The following LHFPL3 variants were observed in gnomAD, a reference collection of about 807,000 sequenced individuals.
The protein encoded by LHFPL3 is LHFPL tetraspan subfamily member 3, also known as LHFPL tetraspan subfamily member 3 protein.
LHFPL3 carries 5 observed loss-of-function variants against 19.3 expected under a neutral mutation model. The observed-to-expected ratio is 0.26, with a 90% CI of 0.14 to 0.54. LHFPL3 has a LOEUF of 0.54. LHFPL3 is among the 20% of genes least tolerant of loss of function. The pLI, the probability that LHFPL3 is intolerant of heterozygous loss-of-function variation, is 0.94. For synonymous variants in LHFPL3, 133 were observed against 126.2 expected, an observed-to-expected ratio of 1.05 and a Z score of -0.36; for missense variants, 249 against 307.4, an observed-to-expected ratio of 0.81 and a Z score of 1.42.
chr7:104,817,625 C>G (rs1362408094), intron 2 of LHFPL3, among the ~76,000 whole-genome samples: 2 of 152,140 alleles, frequency 1.3e-5, no homozygotes, highest in African/African-American at 4.8e-5. Context: ...ATCATAGAGC[C>G]CTGAGGCCCT....
chr7:104,386,262 C>T (rs1280034105), intron 1 of LHFPL3, among the ~76,000 whole-genome samples: 1 of 152,160 alleles, frequency 6.6e-6, no homozygotes, highest in Non-Finnish European at 1.5e-5. Flanking sequence ...TTCACAGTTC[C>T]CTAAAAAGCT....
intron 1 of LHFPL3, among the ~76,000 whole-genome samples, chr7:104,522,393 G>C (rs1364009379): frequency 1.0e-4 from 8 of 77,918 alleles, no homozygotes; most frequent in Non-Finnish European, 2.2e-4. Flanking sequence ...GTTGTGGGGT[G>C]GGGGGAGGGG....
intron 2 of LHFPL3, among the ~76,000 whole-genome samples, chr7:104,841,339 A>G (rs547523972): frequency 6.6e-6 from 1 of 152,280 alleles, no homozygotes; most frequent in South Asian, 2.1e-4. Flanking sequence ...CCTGCAGTCC[A>G]CGTTCTGCAT....
intron 2 of LHFPL3, among the ~76,000 whole-genome samples, chr7:104,861,548 G>C (rs148068161): frequency 1.3e-5 from 2 of 152,136 alleles, no homozygotes; most frequent in Non-Finnish European, 2.9e-5. Context: ...GCAACAGAGA[G>C]AGCTGTTATC....
intron 1 of LHFPL3, among the ~76,000 whole-genome samples, chr7:104,629,196 A>G (rs967785483): frequency 6.6e-6 from 1 of 152,154 alleles, no homozygotes; most frequent in Non-Finnish European, 1.5e-5. Flanking sequence ...CTTCTGATGT[A>G]TGAGACCTCT....
intron 1 of LHFPL3, among the ~76,000 whole-genome samples, chr7:104,553,885 G>C (rs1584397135): frequency 6.6e-6 from 1 of 152,274 alleles, no homozygotes; most frequent in South Asian, 2.1e-4. Context: ...AGAGGCTCAG[G>C]TGTTGGCTGT....
chr7:104,735,570 G>T (rs918420074), intron 1 of LHFPL3, among the ~76,000 whole-genome samples: 1 of 152,240 alleles, frequency 6.6e-6, no homozygotes, highest in Admixed American at 6.5e-5. Context: ...CTGGAAAAGC[G>T]CAGTATTAGG....
chr7:104,484,752 G>GA (rs1793205853), intron 1 of LHFPL3, among the ~76,000 whole-genome samples: 3 of 152,210 alleles, frequency 2.0e-5, no homozygotes, highest in Admixed American at 2.0e-4. Context: ...GTCATCCCAT[G>GA]AGGGGGGAAG....
intron 1 of LHFPL3, among the ~76,000 whole-genome samples, chr7:104,425,657 TG>T (rs1245666026): frequency 1.3e-5 from 2 of 152,264 alleles, no homozygotes; most frequent in African/African-American, 4.8e-5. Flanking sequence ...TTAGCTCTAC[TG>T]TTACATCTTT....
At chr7:104,792,468 G>T (rs1790041200) in intron 2 of LHFPL3, among the ~76,000 whole-genome samples, 2 of 152,120 alleles carry the variant, frequency 1.3e-5, no homozygotes, top group Admixed American at 1.3e-4. Context: ...CCTTGACATG[G>T]TACCATCCAT....
intron 1 of LHFPL3, among the ~76,000 whole-genome samples, chr7:104,387,923 T>C (rs188568513): frequency 2.6e-5 from 4 of 152,276 alleles, no homozygotes; most frequent in Admixed American, 2.6e-4. Flanking sequence ...AAGTAGTTTT[T>C]CTATCCTCCT....
At chr7:104,858,481 C>T (rs1584580057) in intron 2 of LHFPL3, among the ~76,000 whole-genome samples, 2 of 152,304 alleles carry the variant, frequency 1.3e-5, no homozygotes, top group Admixed American at 6.5e-5. Context: ...GCCTCTGCTG[C>T]CCACTCCCTG....
intron 2 of LHFPL3, among the ~76,000 whole-genome samples, chr7:104,897,133 C>T (rs1792380102): frequency 6.6e-6 from 1 of 151,966 alleles, no homozygotes; most frequent in South Asian, 2.1e-4. Context: ...TTTATTTCTG[C>T]ATTTTAGAAA....
chr7:104,850,913 A>C (rs1405620257), intron 2 of LHFPL3, among the ~76,000 whole-genome samples: 1 of 152,210 alleles, frequency 6.6e-6, no homozygotes, highest in African/African-American at 2.4e-5. Flanking sequence ...GAGATTTAGA[A>C]GTTCTGCAGT....
intron 1 of LHFPL3, among the ~76,000 whole-genome samples, chr7:104,436,249 G>C (rs936449287): frequency 1.3e-5 from 2 of 152,090 alleles, no homozygotes; most frequent in Non-Finnish European, 2.9e-5. Context: ...AGTTTTGTAA[G>C]TGGTTTGCAT....
intron 1 of LHFPL3, among the ~76,000 whole-genome samples, chr7:104,364,593 C>T (rs1790450108): frequency 1.3e-5 from 2 of 152,174 alleles, no homozygotes; most frequent in South Asian, 4.1e-4. Flanking sequence ...GTTATGGTCA[C>T]AACTAGATTT....
chr7:104,841,516 G>A (rs1791208265), intron 2 of LHFPL3, among the ~76,000 whole-genome samples: 1 of 151,796 alleles, frequency 6.6e-6, no homozygotes, highest in South Asian at 2.1e-4. Context: ...GTGTGTGTGT[G>A]TGTGTGTGTG....
intron 1 of LHFPL3, among the ~76,000 whole-genome samples, chr7:104,360,776 C>G (rs1274090919): frequency 6.8e-6 from 1 of 146,744 alleles, no homozygotes; most frequent in African/African-American, 2.5e-5. Context: ...AGGATGAAAA[C>G]AAGAAATACT....
rs563050805 is a variant in LHFPL3, at chr7:104,752,512, A to G, written c.682+15601A>G. Among the ~76,000 whole-genome samples, 289 of 145,962 alleles carry G rather than the reference A, an allele frequency of 2.0e-3. 1 individual carries two copies. Among genetic ancestry groups the G allele is most frequent in the Middle Eastern group, 3.5e-3 (1 of 288 alleles). Reference sequence around the variant, plus strand: ...TACCAATTCTTTTCCAATCTTTTAGATCTAAAGTTCCTTGTTCTGGAAACC... The same window carrying G: ...TACCAATTCTTTTCCAATCTTTTAGGTCTAAAGTTCCTTGTTCTGGAAACC... On this transcript the variant is annotated intron_variant, in intron 2 of 2. Transcript: ENST00000424859.
Sources: gnomAD v4.1 joint callset for allele counts (sites outside exome capture counted in the v4.1 genomes callset) on GRCh38, gnomAD v4.1.1 for gene constraint, MANE v1.5 for transcripts, NCBI Gene and HGNC (gene_info 2026-07-23, HGNC 2026-07-21) for gene names.